The following ECE2 variants were observed in gnomAD, a reference collection of about 807,000 sequenced individuals.
The protein encoded by ECE2 is endothelin-converting enzyme 2.
Under a neutral mutation model 100.6 loss-of-function variants are expected in ECE2, and 81 were observed. The ratio of observed to expected loss-of-function variants is 0.81; its 90% CI spans 0.67 to 0.97. The LOEUF (loss-of-function observed/expected upper bound fraction) is 0.97. Ranked by LOEUF, ECE2 falls within the 50% of genes least tolerant of loss-of-function variation. ECE2 has a pLI of 0.00. For synonymous variants in ECE2, 391 were observed against 391.5 expected, an observed-to-expected ratio of 1.00 and a Z score of 0.02; for missense variants, 911 against 988.1, an observed-to-expected ratio of 0.92 and a Z score of 1.05.
chr3:184,282,905 C>T (rs151301726), intron 7 of ECE2, among the ~76,000 whole-genome samples: 6 of 152,294 alleles, frequency 3.9e-5, no homozygotes, highest in African/African-American at 1.4e-4. Flanking sequence ...TATTTCTTCT[C>T]CATGCTTTTC....
intron 11 of ECE2, 90 bp downstream of exon 11, chr3:184,288,037 G>A (rs571335477): frequency 4.7e-5 from 59 of 1,244,136 alleles, no homozygotes; most frequent in African/African-American, 4.2e-4. Flanking sequence ...GGAGCCAGGC[G>A]CGGTGGCTCA....
chr3:184,278,528 T>C lies in ECE2; in HGVS notation c.787T>C (p.Tyr263His), dbSNP rs756530427. The C allele has an allele frequency of 1.9e-6, 3 of 1,613,958 alleles. No individual in the cohort carries two copies. The highest frequency in any genetic ancestry group is 2.5e-6 in the Non-Finnish European group (3 of 1,180,030). Reference protein sequence around the residue: ...QSGLFLPSRDYYLNRTANEKV... With the variant: ...QSGLFLPSRDHYLNRTANEKV... ...TGGGCTCTTTCTGCCCTCTCGGGATTACTACTTAAACAGAACTGCCAATGA... is the reference window on the plus strand; with the variant it reads ...TGGGCTCTTTCTGCCCTCTCGGGATCACTACTTAAACAGAACTGCCAATGA... Residue 263 changes from tyrosine (Y) to histidine (H), a missense_variant, in exon 7 of 19, where the codon TAC (tyrosine) becomes CAC (histidine). Coordinates refer to ENST00000404464, the MANE Select transcript of ECE2 (RefSeq NM_001100121.2).
chr3:184,291,871 C>A lies in ECE2; in HGVS notation c.2122-191C>A, dbSNP rs1721340459. On this transcript the variant is annotated intron_variant, in intron 18 of 18. Coordinates refer to ENST00000404464, the MANE Select transcript of ECE2 (RefSeq NM_001100121.2). This position sits in a 1 kb window ranked among gnomAD's most constrained non-coding sequence, Gnocchi z 4.1. ...GCCTCCGCTGGGCAGCCACAGCAGG[C>A]AGCTTCTGGGGCTCCGCTTTTTCCC... The A allele has an allele frequency of 6.4e-6, 4 of 623,238 alleles. No homozygotes were observed. In the Admixed American group the frequency reaches 1.2e-4, roughly 19 times the overall value. The allele number at this position is 623,238 out of a possible 1,614,324, so 38.6% of individuals were successfully genotyped here.
At position 184,291,704 on chromosome 3, in the gene ECE2, C is replaced by CAGGGTGGAGCAA. The variant is rs55808452; in HGVS notation, c.2121+272_2121+273insAGCAAAGGGTGG. On this transcript the variant is annotated intron_variant, in intron 18 of 18. Transcript: ENST00000404464. The surrounding 1 kb of genome is among the most constrained non-coding windows in gnomAD (Gnocchi z 4.1). ...GCAAGGTTGTCGTGCTTGCGGGGCA[C>CAGGGTGGAGCAA]AGGGTGGCGAAGGGGGCAAACGTTC... 4.1e-6 allele frequency: 2 copies of CAGGGTGGAGCAA among 486,108 alleles called. No individual in the cohort carries two copies. The highest frequency in any genetic ancestry group is 7.3e-6 in the Non-Finnish European group (2 of 275,254). 30.1% of individuals were successfully genotyped at this position (486,108 alleles called of 1,614,324 possible). A position where few individuals can be genotyped will look rare whatever the true frequency, so the allele number is the denominator to read the frequency against.
chr3:184,282,011 ATCGC>A (rs1159397111), intron 7 of ECE2, among the ~76,000 whole-genome samples: 1 of 152,206 alleles, frequency 6.6e-6, no homozygotes, highest in African/African-American at 2.4e-5. Flanking sequence ...AGGCAGGAGA[ATCGC>A]TTGAACCCGG....
chr3:184,291,006 G>A lies in ECE2; in HGVS notation c.1835-34G>A. The stretch of plus-strand genomic sequence containing the variant: ...TGCTGCCCCCAAGAGACGAGCTCTG[G>A]TTTTGGTGGGGTGCAAAGGTGAGTT... On this transcript the variant is annotated intron_variant, in intron 16 of 18. Coordinates refer to ENST00000404464, the MANE Select transcript of ECE2 (RefSeq NM_001100121.2). The surrounding 1 kb of genome is among the most constrained non-coding windows in gnomAD (Gnocchi z 4.1). 6.4e-7 allele frequency: 1 copy of A among 1,554,794 alleles called. No homozygotes were observed.
chr3:184,277,533 C>T (rs2108417305), intron 4 of ECE2, 67 bp downstream of exon 4: 1 of 1,531,760 alleles, frequency 6.5e-7, no homozygotes, highest in Non-Finnish European at 8.9e-7. Context: ...GGGCCTGGCA[C>T]TTAGCAAATA....
chr3:184,278,621 T>C, intron 7 of ECE2, 64 bp downstream of exon 7: 1 of 1,581,576 alleles, frequency 6.3e-7, no homozygotes, highest in Non-Finnish European at 8.7e-7. Flanking sequence ...CCCTGTTGAC[T>C]TTTCCCTTTG....
chr3:184,282,601 T>C (rs843341), intron 7 of ECE2, among the ~76,000 whole-genome samples: 102,668 of 152,136 alleles, frequency 0.67, 35,717 homozygotes, highest in African/African-American at 0.85. Context: ...CCAGCCCTGC[T>C]TTCATGGAGC....
chr3:184,290,847 C>T lies in ECE2; in HGVS notation c.1821C>T (p.Ala607=), dbSNP rs1213347850. Residue 607 remains alanine, a synonymous_variant, in exon 16 of 19, where the codon GCC becomes GCT. Coordinates refer to ENST00000404464, the MANE Select transcript of ECE2 (RefSeq NM_001100121.2). ...TCATGGGCCATGAGTTGACGCATGC[C>T]TTTGATGACCAAGGTAGGGGCCCAT... The part of the protein sequence containing the change: ...GVVMGHELTH[A]FDDQGREYDK... The T allele has an allele frequency of 1.2e-6, 2 of 1,614,052 alleles. No individual in the cohort carries two copies. Among genetic ancestry groups the T allele is most frequent in the African/African-American group, 2.7e-5 (2 of 74,922 alleles).
intron 7 of ECE2, among the ~76,000 whole-genome samples, chr3:184,281,655 A>G (rs1720818239): frequency 6.6e-6 from 1 of 152,252 alleles, no homozygotes. Context: ...AATTTTTACA[A>G]TTTGGGAGAG....
Position 184,276,072 on chromosome 3 carries a change from G to A in ECE2, c.-82G>A, listed in dbSNP as rs1455579989. On this transcript the variant is annotated 5_prime_UTR_variant, in exon 1 of 19. Transcript: ENST00000404464. ...CGGCCGTGATGGCTGGTGACGGCGG[G>A]GCCGGGCAGGGGACCGGGGCCGCGG... The A allele has an allele frequency of 1.6e-5, 20 of 1,217,914 alleles. No homozygotes were observed. The highest frequency in any genetic ancestry group is 1.9e-5 in the Non-Finnish European group (19 of 978,900). 75.4% of individuals were successfully genotyped at this position (1,217,914 alleles called of 1,614,324 possible).
chr3:184,278,336 G>T, intron 6 of ECE2, 23 bp downstream of exon 6: 1 of 1,612,070 alleles, frequency 6.2e-7, no homozygotes. Flanking sequence ...GAAAGGGTGG[G>T]GAGAGACTTA....
chr3:184,287,912 G>A lies in ECE2; in HGVS notation c.1339G>A (p.Val447Met), dbSNP rs367598001. ...TGGCTTTGCTTTGGGGTCCCTCTTC[G>A]TGAAGGCCACGTTTGACCGGCAAAG... Reference protein sequence around the residue: ...ALGFALGSLFVKATFDRQSKE... With the variant: ...ALGFALGSLFMKATFDRQSKE... The change falls in exon 11 of 19, where the codon GTG (valine) becomes ATG (methionine). Residue 447 changes from valine (V) to methionine (M), a missense_variant. By Grantham distance (21) the Val-to-Met change is conservative. Transcript: ENST00000404464. 1.5e-5 allele frequency: 24 copies of A among 1,614,160 alleles called. No individual in the cohort carries two copies. The highest frequency in any genetic ancestry group is 1.9e-5 in the Non-Finnish European group (23 of 1,180,020).
Position 184,278,558 on chromosome 3 carries a change from G to A in ECE2, c.816+1G>A. ...CTTAAACAGAACTGCCAATGAGAAAGTAAGGAACATCTTCCGAACCCCCAT... is the reference window on the plus strand; with the variant it reads ...CTTAAACAGAACTGCCAATGAGAAAATAAGGAACATCTTCCGAACCCCCAT... On this transcript the variant is annotated splice_donor_variant, in intron 7 of 18. Transcript: ENST00000404464. LOFTEE classifies it high-confidence loss of function. 6.2e-7 allele frequency: 1 copy of A among 1,614,056 alleles called. No homozygotes were observed. Among genetic ancestry groups the A allele is most frequent in the Non-Finnish European group, 8.5e-7 (1 of 1,180,000 alleles).
At chr3:184,284,526 G>C (rs1720948809) in intron 8 of ECE2, among the ~76,000 whole-genome samples, 1 of 137,590 alleles carries the variant, frequency 7.3e-6, no homozygotes, top group African/African-American at 2.7e-5. Context: ...TGGGTGACAA[G>C]AGCGAAACTC....
chr3:184,278,748 C>A, intron 7 of ECE2, 191 bp downstream of exon 7: 1 of 621,026 alleles, frequency 1.6e-6, no homozygotes, highest in Non-Finnish European at 2.8e-6. Flanking sequence ...TCCTTCCTTC[C>A]TTCCTCTTAT....
At chr3:184,285,320 C>T (rs73051632) in intron 9 of ECE2, among the ~76,000 whole-genome samples, 158 bp from the exon 10 acceptor site, 132 of 152,266 alleles carry the variant, frequency 8.7e-4, no homozygotes, top group African/African-American at 3.2e-3. Flanking sequence ...CTGACCTCTA[C>T]AGGCAGGTGT....
rs1448625838 is a variant in ECE2, at chr3:184,290,874, G to A, written c.1834+14G>A. ...TTGATGACCAAGGTAGGGGCCCATG[G>A]AGTCGTCCCCTCTAGCCTAGAATTC... On this transcript the variant is annotated intron_variant, in intron 16 of 18. Transcript: ENST00000404464. 1 of 1,614,168 alleles carries A rather than the reference G, an allele frequency of 6.2e-7. No homozygotes were observed. The highest frequency in any genetic ancestry group is 2.2e-5 in the East Asian group (1 of 44,878).
Sources: gnomAD v4.1 joint callset for allele counts (sites outside exome capture counted in the v4.1 genomes callset) on GRCh38, gnomAD v4.1.1 for gene constraint, Gnocchi (gnomAD v3.1) non-coding constraint, MANE v1.5 for transcripts, NCBI Gene and HGNC (gene_info 2026-07-23, HGNC 2026-07-21) for gene names.